MDN1: variants seen among roughly 807,000 people sequenced by gnomAD.
The protein encoded by MDN1 is midasin.
Under a neutral mutation model 669.2 loss-of-function variants are expected in MDN1, and 266 were observed. The observed-to-expected ratio is 0.40, with a 90% CI of 0.36 to 0.44. The LOEUF is 0.44. Among genes scored for constraint, MDN1 ranks in the 20% least tolerant of loss-of-function variants. The probability of loss-of-function intolerance (pLI) is 1.00; values close to 1 mark genes in which losing one functional copy is unlikely to be tolerated. For missense variants in MDN1, 5,940 were observed against 6,754.0 expected (o/e 0.88, Z 4.22); for synonymous variants, 2,385 against 2,457.1 (o/e 0.97, Z 0.87).
chr6:89,757,196 T>C (rs1817297753), intron 19 of MDN1, among the ~76,000 whole-genome samples: 2 of 152,112 alleles, frequency 1.3e-5, no homozygotes, highest in Admixed American at 6.5e-5. Context: ...AATCTGGTCA[T>C]TTAATTTATT....
In MDN1 at chr6:89,703,069, G is replaced by A. The variant is rs532709866; in HGVS notation, c.8149-1008C>T. Among the ~76,000 whole-genome samples, 41 of 151,970 alleles carry A rather than the reference G, an allele frequency of 2.7e-4. No homozygotes were observed. In the South Asian group the frequency reaches 8.3e-3, roughly 31 times the overall value. The stretch of plus-strand genomic sequence containing the variant: ...CCTGCCTCAGCCTCCTGAGTAGCTG[G>A]GATTACAGGCGCCTGCCACCACACC... On this transcript the variant is annotated intron_variant, in intron 53 of 101. Transcript: ENST00000369393.
At chr6:89,736,798 C>G (rs1816002150) in intron 33 of MDN1, among the ~76,000 whole-genome samples, 1 of 152,098 alleles carries the variant, frequency 6.6e-6, no homozygotes, top group Non-Finnish European at 1.5e-5. Context: ...TCCCCACAAC[C>G]CCCCAGAAAA....
rs1304681799 is a variant in MDN1, at chr6:89,745,327, A to G, written c.4124T>C (p.Leu1375Pro). ...WTEGMRRLAM[L>P]VGRALEFGEP... ...ACCAAATTCCAATGCCCTTCCCACT[A>G]GCATCGCGAGTCTCCGCATGCCCTC... The change falls in exon 29 of 102, where the codon CTA (leucine) becomes CCA (proline). Residue 1375 changes from leucine to proline, a missense_variant. By Grantham distance (98) the Leu-to-Pro change is moderately conservative (BLOSUM62 -3). Coordinates refer to ENST00000369393, the MANE Select transcript of MDN1 (RefSeq NM_014611.3). The G allele has an allele frequency of 1.2e-6, 2 of 1,613,970 alleles. No individual in the cohort carries two copies. The highest frequency in any genetic ancestry group is 1.7e-6 in the Non-Finnish European group (2 of 1,179,932).
Position 89,673,411 on chromosome 6 carries a change from T to G in MDN1, c.13299A>C (p.Ser4433=). 1.2e-6 allele frequency: 2 copies of G among 1,614,192 alleles called. No homozygotes were observed. The highest frequency in any genetic ancestry group is 1.7e-6 in the Non-Finnish European group (2 of 1,180,024). ...AGGACTCTAGGCCCTGCAAATGAAC[T>G]GACACCTGGGACAAGCAACTCAGCG... ...SSALSCLSQV[S]VHLQGLESLF... The change falls in exon 80 of 102, where the codon TCA becomes TCC. Residue 4433 remains serine (S), a synonymous_variant. Transcript: ENST00000369393.
intron 40 of MDN1, 107 bp downstream of exon 40, chr6:89,722,848 A>AG: frequency 2.1e-6 from 1 of 467,492 alleles, no homozygotes; most frequent in South Asian, 6.5e-5. Context: ...CCCAGTCTCA[A>AG]AAAAAAAAAA....
chr6:89,784,741 G>A (rs531151250), intron 9 of MDN1, among the ~76,000 whole-genome samples: 1 of 150,350 alleles, frequency 6.7e-6, no homozygotes, highest in Admixed American at 6.6e-5. Flanking sequence ...CAATGATACT[G>A]AGGAATTACT....
At chr6:89,726,882 C>T (rs754012590) in intron 37 of MDN1, among the ~76,000 whole-genome samples, 41 of 152,266 alleles carry the variant, frequency 2.7e-4, no homozygotes, top group Admixed American at 2.2e-3. Context: ...CACCACAAAG[C>T]ACAAACACTT....
intron 50 of MDN1, among the ~76,000 whole-genome samples, chr6:89,709,444 T>C (rs1315946534): frequency 2.0e-5 from 3 of 152,172 alleles, no homozygotes; most frequent in Non-Finnish European, 4.4e-5. Flanking sequence ...GGACAAGCGA[T>C]GCCTGCTGAA....
Position 89,732,605 on chromosome 6 carries a change from A to G in MDN1, c.4894T>C (p.Ser1632Pro), listed in dbSNP as rs774757418. ...ACCAGGCATGCAGCATGGACAAAAGATGTCACAGTGGAGATGATCTCTGGC... is the reference window on the plus strand; with the variant it reads ...ACCAGGCATGCAGCATGGACAAAAGGTGTCACAGTGGAGATGATCTCTGGC... ...KRPEIISTVT[S>P]FVHAACLVYI... is the part of the protein sequence containing the mutation. Residue 1632 changes from serine (S) to proline (P), a missense_variant, in exon 34 of 102, where the codon TCT (serine) becomes CCT (proline). Physicochemically the swap from Ser to Pro is moderately conservative, Grantham distance 74. Around this residue, in one of 5 missense-constraint regions of MDN1, gnomAD observed 2,292 missense variants for 2,638.3 expected, o/e 0.87. Coordinates refer to ENST00000369393, the MANE Select transcript of MDN1 (RefSeq NM_014611.3). 1.2e-6 allele frequency: 2 copies of G among 1,614,140 alleles called. No homozygotes were observed.
chr6:89,682,699 TAAAAAAA>T (rs143107841), intron 73 of MDN1, among the ~76,000 whole-genome samples: 9 of 96,858 alleles, frequency 9.3e-5, no homozygotes, highest in Non-Finnish European at 1.5e-4. Flanking sequence ...GACTCTGTCT[TAAAAAAA>T]AAAAAAAAAA....
Position 89,658,236 on chromosome 6 carries a change from G to C in MDN1, c.15156C>G (p.Ala5052=). Residue 5052 remains alanine (A), a synonymous_variant, in exon 90 of 102, where the codon GCC becomes GCG. Transcript: ENST00000369393. Reference sequence around the variant, plus strand: ...CTTTCCCCTGCTCCTTCTCAGGTGCGGCCCCAGCCAGCTCCATGGCCTGTG... The same window carrying C: ...CTTTCCCCTGCTCCTTCTCAGGTGCCGCCCCAGCCAGCTCCATGGCCTGTG... The part of the protein sequence containing the change: ...QNTQAMELAG[A]APEKEQGKEE... The C allele has an allele frequency of 6.2e-7, 1 of 1,614,144 alleles. No homozygotes were observed. The highest frequency in any genetic ancestry group is 1.1e-5 in the South Asian group (1 of 91,084).
intron 2 of MDN1, among the ~76,000 whole-genome samples, chr6:89,798,671 G>A (rs1042302103): frequency 1.5e-4 from 23 of 152,190 alleles, no homozygotes; most frequent in African/African-American, 5.5e-4. Flanking sequence ...AGTGATGACT[G>A]CATATATTGA....
At chr6:89,809,009 G>T (rs1233378326) in intron 1 of MDN1, among the ~76,000 whole-genome samples, 20 of 151,862 alleles carry the variant, frequency 1.3e-4, no homozygotes, top group Admixed American at 1.3e-3. Flanking sequence ...CTAAGCTCAG[G>T]AGTTTGAGAC....
At chr6:89,741,122 C>T (rs748969131) in intron 31 of MDN1, among the ~76,000 whole-genome samples, 2 of 152,120 alleles carry the variant, frequency 1.3e-5, no homozygotes, top group African/African-American at 2.4e-5. Flanking sequence ...ATCCCAGCTA[C>T]TCGGGAGGCT....
At chr6:89,792,916 G>A (rs1819357159) in intron 5 of MDN1, among the ~76,000 whole-genome samples, 1 of 152,092 alleles carries the variant, frequency 6.6e-6, no homozygotes, top group Non-Finnish European at 1.5e-5. Context: ...CTACTCAGGA[G>A]GCTGAGGCAG....
Position 89,810,018 on chromosome 6 carries a change from A to ATAAT in MDN1, c.103-6465_103-6464insATTA, listed in dbSNP as rs1562242861. The stretch of plus-strand genomic sequence containing the variant: ...TAAAAAAAAAAAAAAAAAAAAAAAA[A>ATAAT]AAAAAAAATTAAGTTTGGAAGATTA... On this transcript the variant is annotated intron_variant, in intron 1 of 101. Transcript: ENST00000369393. Among the ~76,000 whole-genome samples, 4 of 122,816 alleles carry ATAAT rather than the reference A, an allele frequency of 3.3e-5. No homozygotes were observed. In the South Asian group the frequency reaches 1.1e-3, roughly 33 times the overall value. 80.6% of individuals were successfully genotyped at this position (122,816 alleles called of 152,430 possible).
intron 5 of MDN1, among the ~76,000 whole-genome samples, chr6:89,793,407 C>G (rs1819384698): frequency 6.6e-6 from 1 of 152,164 alleles, no homozygotes; most frequent in Non-Finnish European, 1.5e-5. Context: ...CCATTAGTTT[C>G]TAATTTCATA....
At chr6:89,677,314 G>T (rs1394906757) in intron 76 of MDN1, among the ~76,000 whole-genome samples, 1 of 151,980 alleles carries the variant, frequency 6.6e-6, no homozygotes, top group African/African-American at 2.4e-5. Flanking sequence ...GGCTGGTCTT[G>T]AACTCCTGAC....
intron 95 of MDN1, among the ~76,000 whole-genome samples, 179 bp downstream of exon 95, chr6:89,652,013 G>A (rs1808908101): frequency 6.6e-6 from 1 of 152,202 alleles, no homozygotes; most frequent in South Asian, 2.1e-4. Context: ...AGATCTAACA[G>A]CAAAGCAGCC....
Sources: gnomAD v4.1 joint callset for allele counts (sites outside exome capture counted in the v4.1 genomes callset) on GRCh38, gnomAD v4.1.1 for gene constraint, gnomAD v4.1.1 regional missense constraint, MANE v1.5 for transcripts, NCBI Gene and HGNC (gene_info 2026-07-23, HGNC 2026-07-21) for gene names.